The following ERC1 variants were observed in gnomAD, a reference collection of about 807,000 sequenced individuals.
The protein encoded by ERC1 is RAB6 interacting protein 2.
A neutral mutation model predicts 132.0 loss-of-function variants in ERC1; 56 were observed. That is an observed-to-expected ratio of 0.42 (90% CI 0.34 to 0.53). The LOEUF (loss-of-function observed/expected upper bound fraction) is 0.53, where lower values mean the gene tolerates loss of function less well. Among genes scored for constraint, ERC1 ranks in the 20% least tolerant of loss-of-function variants. The pLI is 0.03. For missense variants in ERC1, 1,202 were observed against 1,349.9 expected (o/e 0.89, Z 1.72); for synonymous variants, 478 against 476.1 (o/e 1.00, Z -0.05).
Position 1,219,406 on chromosome 12 carries a change from G to A in ERC1, c.2352-17363G>A, listed in dbSNP as rs114030734. Among the ~76,000 whole-genome samples the A allele has an allele frequency of 1.2e-3, 185 of 152,172 alleles. 1 individual carries two copies. Among genetic ancestry groups the A allele is most frequent in the African/African-American group, 4.3e-3 (180 of 41,506 alleles). ...AATGGTACTACCATTCACTCATTGT[G>A]CAGGCAATAAATCACCAAGCAATCC... On this transcript the variant is annotated intron_variant, in intron 12 of 18. Transcript: ENST00000360905.
At chr12:1,390,063 C>G (rs992250214) in intron 16 of ERC1, among the ~76,000 whole-genome samples, 8 of 152,140 alleles carry the variant, frequency 5.3e-5, no homozygotes, top group Non-Finnish European at 1.0e-4. Flanking sequence ...CTGTGTGTGT[C>G]TGGAAGTGAC....
At chr12:1,328,036 CA>C (rs1294314405) in intron 15 of ERC1, among the ~76,000 whole-genome samples, 1 of 152,096 alleles carries the variant, frequency 6.6e-6, no homozygotes, top group Non-Finnish European at 1.5e-5. Flanking sequence ...TCTATTTTAT[CA>C]CTTTGTTTTT....
At chr12:1,416,282 G>A (rs1318099775) in intron 17 of ERC1, among the ~76,000 whole-genome samples, 2 of 152,182 alleles carry the variant, frequency 1.3e-5, no homozygotes, top group East Asian at 3.8e-4. Context: ...TGAGGAATTT[G>A]GAACTATAGA....
In ERC1 at chr12:1,437,517, G is replaced by C. The variant is rs79118187; in HGVS notation, c.3025-7045G>C. Reference sequence around the variant, plus strand: ...AGAGATGTCCTTCCCTTACTAGTAGGCAAGCCCCTAACAGTCTGTTCCCTA... The same window carrying C: ...AGAGATGTCCTTCCCTTACTAGTAGCCAAGCCCCTAACAGTCTGTTCCCTA... On this transcript the variant is annotated intron_variant, in intron 17 of 18. Coordinates refer to ENST00000360905, the MANE Select transcript of ERC1 (RefSeq NM_178040.4). Among the ~76,000 whole-genome samples the C allele has an allele frequency of 5.8e-3, 888 of 152,290 alleles. 11 individuals are homozygous for C. Among genetic ancestry groups the C allele is most frequent in the African/African-American group, 0.02 (845 of 41,558 alleles).
At chr12:1,388,298 T>C (rs11609271) in intron 16 of ERC1, among the ~76,000 whole-genome samples, 43,546 of 143,320 alleles carry the variant, frequency 0.3, 6,606 homozygotes, top group Middle Eastern at 0.38. Flanking sequence ...TGCAGTGAAC[T>C]GAGATTGCGC....
At chr12:1,169,726 T>C (rs1952847883) in intron 8 of ERC1, among the ~76,000 whole-genome samples, 1 of 152,184 alleles carries the variant, frequency 6.6e-6, no homozygotes, top group Non-Finnish European at 1.5e-5. Flanking sequence ...GTGAAACATC[T>C]CATCATATTT....
At position 1,444,696 on chromosome 12, in the gene ERC1, G is replaced by A. The variant is rs1592109150; in HGVS notation, c.3159G>A (p.Leu1053=). Residue 1053 remains leucine (L), a synonymous_variant, in exon 18 of 19, where the codon TTG becomes TTA. Transcript: ENST00000360905. ...TCACTCCACCAGCTTCCTATAACTT[G>A]GACGATGACCAGGCGGCTTGGGAGA... ...RGLTPPASYN[L]DDDQAAWENE... is the part of the protein sequence containing the mutation. 1.2e-6 allele frequency: 2 copies of A among 1,614,144 alleles called. No individual in the cohort carries two copies. The highest frequency in any genetic ancestry group is 1.7e-6 in the Non-Finnish European group (2 of 1,180,026).
intron 8 of ERC1, among the ~76,000 whole-genome samples, chr12:1,152,094 G>T (rs1950891692): frequency 6.6e-6 from 1 of 152,002 alleles, no homozygotes; most frequent in Non-Finnish European, 1.5e-5. Flanking sequence ...CAGCTACTCG[G>T]GAGGCTGAGG....
intron 13 of ERC1, among the ~76,000 whole-genome samples, chr12:1,244,191 G>C (rs1439158298): frequency 6.6e-6 from 1 of 152,120 alleles, no homozygotes; most frequent in Non-Finnish European, 1.5e-5. Context: ...TGAAGACTTG[G>C]TACTCTAGAA....
chr12:1,306,597 A>T (rs1312375288), intron 15 of ERC1, among the ~76,000 whole-genome samples: 2 of 152,188 alleles, frequency 1.3e-5, no homozygotes, highest in East Asian at 3.8e-4. Flanking sequence ...GATGAATGAA[A>T]TTGTTATGTT....
rs869202443 is a variant in ERC1 at position 1,400,916 on chromosome 12, A to ATTTTTTTTTTTTTTTT, written c.2926-7211_2926-7196dup. 1.3e-4 allele frequency among the ~76,000 whole-genome samples: 2 copies of ATTTTTTTTTTTTTTTT among 15,040 alleles called. 1 individual carries two copies. The highest frequency in any genetic ancestry group is 2.2e-4 in the Non-Finnish European group (2 of 9,122). The allele number at this position is 15,040 out of a possible 152,430, so 9.9% of individuals were successfully genotyped here. A position where few individuals can be genotyped will look rare whatever the true frequency, so the allele number is the denominator to read the frequency against. ...TCAATATTGTTTTGGCTATTTTTGTATTTTTTTTTTTTTTTTTTTTTTTTT... is the reference window on the plus strand; with the variant it reads ...TCAATATTGTTTTGGCTATTTTTGTATTTTTTTTTTTTTTTTTTTTTTTTTTTTTTTTTTTTTTTTT... On this transcript the variant is annotated intron_variant, in intron 16 of 18. Transcript: ENST00000360905.
intron 18 of ERC1, among the ~76,000 whole-genome samples, chr12:1,466,476 C>T (rs2093745985): frequency 6.6e-6 from 1 of 152,170 alleles, no homozygotes. Context: ...GGGGACACAG[C>T]TCAGCCCACC....
chr12:1,414,453 C>A (rs767531007), intron 17 of ERC1, among the ~76,000 whole-genome samples: 15 of 152,144 alleles, frequency 9.9e-5, no homozygotes, highest in Non-Finnish European at 1.6e-4. Flanking sequence ...TTCCCAAAGC[C>A]ATCCAGATAC....
intron 1 of ERC1, among the ~76,000 whole-genome samples, chr12:996,356 C>T (rs1259984314): frequency 6.8e-6 from 1 of 147,770 alleles, no homozygotes; most frequent in Non-Finnish European, 1.5e-5. Flanking sequence ...CGCGCCTTGG[C>T]CTCTCAGAGT....
intron 1 of ERC1, among the ~76,000 whole-genome samples, chr12:1,024,633 T>A (rs1260869004): frequency 4.6e-5 from 7 of 152,176 alleles, no homozygotes; most frequent in Non-Finnish European, 1.0e-4. Context: ...TTGTTTAATA[T>A]GCTGAAGCCT....
intron 14 of ERC1, among the ~76,000 whole-genome samples, chr12:1,283,962 T>C (rs2078866867): frequency 6.6e-6 from 1 of 152,194 alleles, no homozygotes; most frequent in Non-Finnish European, 1.5e-5. Context: ...ATGATTTAAC[T>C]ATAGTCTCCC....
At chr12:1,327,711 A>G (rs1443321699) in intron 15 of ERC1, among the ~76,000 whole-genome samples, 4 of 152,192 alleles carry the variant, frequency 2.6e-5, no homozygotes, top group African/African-American at 4.8e-5. Flanking sequence ...TCCAAGTACA[A>G]ATAAATACAC....
At chr12:1,122,729 G>A (rs1947717012) in intron 7 of ERC1, among the ~76,000 whole-genome samples, 1 of 3,946 alleles carries the variant, frequency 2.5e-4, no homozygotes, top group Admixed American at 0.016. Flanking sequence ...GAGTAAAAGA[G>A]GACTGGGTGC....
At chr12:1,460,946 G>A (rs1406164454) in intron 18 of ERC1, among the ~76,000 whole-genome samples, 1 of 132,972 alleles carries the variant, frequency 7.5e-6, no homozygotes, top group African/African-American at 2.7e-5. Context: ...TTGCCTAAAC[G>A]ATGAGGAGGC....
Sources: gnomAD v4.1 joint callset for allele counts (sites outside exome capture counted in the v4.1 genomes callset) on GRCh38, gnomAD v4.1.1 for gene constraint, MANE v1.5 for transcripts, NCBI Gene and HGNC (gene_info 2026-07-23, HGNC 2026-07-21) for gene names.